Variants in COL6A3 observed in about 807,000 individuals in gnomAD.
COL6A3 encodes collagen type VI alpha 3 chain.
Under a neutral mutation model 274.1 loss-of-function variants are expected in COL6A3, and 137 were observed. The ratio of observed to expected loss-of-function variants is 0.50; its 90% CI spans 0.44 to 0.58. The LOEUF is 0.58. Ranked by LOEUF, COL6A3 falls within the 20% of genes least tolerant of loss-of-function variation. The pLI, the probability that COL6A3 is intolerant of heterozygous loss-of-function variation, is 0.00. For synonymous variants in COL6A3, 1,650 were observed against 1,650.6 expected, an observed-to-expected ratio of 1.00 and a Z score of 0.01; for missense variants, 3,950 against 4,124.9, an observed-to-expected ratio of 0.96 and a Z score of 1.16.
chr2:237,332,117 A>ATATATTATATATATG lies in COL6A3; in HGVS notation c.9328+1332_9328+1333insCATATATATAATATA, dbSNP rs35490728. On this transcript the variant is annotated intron_variant, in intron 42 of 43. Coordinates refer to ENST00000295550, the MANE Select transcript of COL6A3 (RefSeq NM_004369.4). ...TATATATATATATATATATATATAT[A>ATATATTATATATATG]TGAAAAGAAAAACAAAACAGCCCAG... Among the ~76,000 whole-genome samples the ATATATTATATATATG allele has an allele frequency of 8.9e-3, 572 of 64,156 alleles. 104 individuals carry two copies. The highest frequency in any genetic ancestry group is 0.012 in the Non-Finnish European group (361 of 31,018). The allele number at this position is 64,156 out of a possible 152,430, so 42.1% of individuals were successfully genotyped here. A position where few individuals can be genotyped will look rare whatever the true frequency, so the allele number is the denominator to read the frequency against.
chr2:237,371,055 T>C lies in COL6A3; in HGVS notation c.4285+677A>G, dbSNP rs1334720790. 1.3e-5 allele frequency among the ~76,000 whole-genome samples: 2 copies of C among 152,220 alleles called. No homozygotes were observed. The highest frequency in any genetic ancestry group is 2.9e-5 in the Non-Finnish European group (2 of 68,040). ...AGGCCATCCTGCTTCTAGGTAAGAC[T>C]TAAGATACAGCTACAGAATCACCTC... is the stretch of plus-strand genomic sequence containing the variant. On this transcript the variant is annotated intron_variant, in intron 9 of 43. Coordinates refer to ENST00000295550, the MANE Select transcript of COL6A3 (RefSeq NM_004369.4). The surrounding 1 kb of genome is among the most constrained non-coding windows in gnomAD (Gnocchi z 4.3).
At chr2:237,385,068 C>T (rs944975125) in intron 4 of COL6A3, among the ~76,000 whole-genome samples, 1 of 152,152 alleles carries the variant, frequency 6.6e-6, no homozygotes, top group African/African-American at 2.4e-5. Flanking sequence ...CTTCTCAGGG[C>T]CTTCCATCCA....
intron 11 of COL6A3, among the ~76,000 whole-genome samples, 170 bp downstream of exon 11, chr2:237,366,517 C>A (rs1339779393): frequency 6.6e-6 from 1 of 152,088 alleles, no homozygotes; most frequent in East Asian, 1.9e-4. Context: ...TGGAAGAACG[C>A]CCTAGGTAGT....
chr2:237,387,561 T>A lies in COL6A3; in HGVS notation c.1312+21A>T, dbSNP rs764408155. The stretch of plus-strand genomic sequence containing the variant: ...ACACAACACCCCACTCCCACACAGA[T>A]GGTGAGAAGAGGATACATACCTTGT... On this transcript the variant is annotated intron_variant, in intron 4 of 43. Coordinates refer to ENST00000295550, the MANE Select transcript of COL6A3 (RefSeq NM_004369.4). 4 of 1,613,674 alleles carry A rather than the reference T, an allele frequency of 2.5e-6. No individual in the cohort carries two copies. In the African/African-American group the frequency reaches 5.3e-5, roughly 22 times the overall value.
intron 24 of COL6A3, 71 bp from the exon 25 acceptor site, chr2:237,353,474 T>C (rs2077250934): frequency 7.3e-7 from 1 of 1,376,974 alleles, no homozygotes; most frequent in African/African-American, 1.4e-5. Context: ...TGCTCTACAG[T>C]CATTTCTGGG....
At position 237,368,566 on chromosome 2, in the gene COL6A3, G is replaced by A. The variant is rs1049588884; in HGVS notation, c.4897C>T (p.Pro1633Ser). Residue 1633 changes from proline to serine, a missense_variant, in exon 10 of 44, where the codon CCA becomes TCA. Around this residue, in one of 5 missense-constraint regions of COL6A3, gnomAD observed 632 missense variants for 623.4 expected, o/e 1.01. Coordinates refer to ENST00000295550, the MANE Select transcript of COL6A3 (RefSeq NM_004369.4). This position sits in a 1 kb window ranked among gnomAD's most constrained non-coding sequence, Gnocchi z 4.4. ...PGVDTPPPSR[P>S]EKKKADIVFL... Reference sequence around the variant, plus strand: ...TCATGGGTCACACGGTGCATACCTGGCCGTGAAGGAGGAGGGGTGTCCACC... The same window carrying A: ...TCATGGGTCACACGGTGCATACCTGACCGTGAAGGAGGAGGGGTGTCCACC... 6.2e-7 allele frequency: 1 copy of A among 1,614,144 alleles called. No individual in the cohort carries two copies. The highest frequency in any genetic ancestry group is 8.5e-7 in the Non-Finnish European group (1 of 1,179,998).
intron 33 of COL6A3, 27 bp downstream of exon 33, chr2:237,345,154 G>C: frequency 6.2e-7 from 1 of 1,614,186 alleles, no homozygotes; most frequent in Non-Finnish European, 8.5e-7. Flanking sequence ...TGAGGTTAAT[G>C]AGTCATTCTG....
chr2:237,375,186 G>A (rs187833277), intron 7 of COL6A3, among the ~76,000 whole-genome samples, 166 bp from the exon 8 acceptor site: 7 of 152,316 alleles, frequency 4.6e-5, no homozygotes, highest in Admixed American at 1.3e-4. Flanking sequence ...GGGATGGGGG[G>A]ATTACCCTGG....
chr2:237,374,937 G>A lies in COL6A3; in HGVS notation c.3154C>T (p.Gln1052Ter), dbSNP rs2077795972. ...ACATCCAGGCTTTCCACCACTCTCTGGACAAACTCTTTCAACAGAGGGAAG... is the reference window on the plus strand; with the variant it reads ...ACATCCAGGCTTTCCACCACTCTCTAGACAAACTCTTTCAACAGAGGGAAG... ...SGFPLLKEFV[Q>*]RVVESLDVGQ... Residue 1052 changes from glutamine to a stop codon, truncating the protein, a stop_gained, in exon 8 of 44, where the codon CAG becomes TAG. Transcript: ENST00000295550. LOFTEE classifies it high-confidence loss of function. The surrounding 1 kb of genome is among the most constrained non-coding windows in gnomAD (Gnocchi z 4.8). The A allele has an allele frequency of 6.2e-7, 1 of 1,613,900 alleles. No homozygotes were observed. Among genetic ancestry groups the A allele is most frequent in the Non-Finnish European group, 8.5e-7 (1 of 1,180,012 alleles).
At position 237,361,915 on chromosome 2, in the gene COL6A3, C is replaced by T. The variant is rs1202203059; in HGVS notation, c.6064-84G>A. 1.7e-6 allele frequency: 2 copies of T among 1,210,234 alleles called. No individual in the cohort carries two copies. Among genetic ancestry groups the T allele is most frequent in the Non-Finnish European group, 2.5e-6 (2 of 815,096 alleles). The allele number at this position is 1,210,234 out of a possible 1,614,324, so 75.0% of individuals were successfully genotyped here. Reference sequence around the variant, plus strand: ...ATAAATGCGCTTTAAGGGTCAAAATCGGATGTGTGGGGGTTTCACGGTGTG... The same window carrying T: ...ATAAATGCGCTTTAAGGGTCAAAATTGGATGTGTGGGGGTTTCACGGTGTG... On this transcript the variant is annotated intron_variant, in intron 14 of 43. Coordinates refer to ENST00000295550, the MANE Select transcript of COL6A3 (RefSeq NM_004369.4). The surrounding 1 kb of genome is among the most constrained non-coding windows in gnomAD (Gnocchi z 5.1).
In COL6A3 at chr2:237,363,393, G is replaced by A. The variant is rs369839261; in HGVS notation, c.5923C>T (p.Arg1975Cys). The part of the protein sequence containing the change: ...ASENLRQEGV[R>C]ALILVGLERV... ...TCAAGGCCCACCAGGATCAAGGCAC[G>A]GACTCCTGCAAAGAAAGACACATTT... The change falls in exon 14 of 44, where the codon CGT becomes TGT. Residue 1975 changes from arginine (R) to cysteine (C), a missense_variant. This residue lies in a region of COL6A3 where 632 missense variants were observed against 623.4 expected (regional missense o/e 1.01). Coordinates refer to ENST00000295550, the MANE Select transcript of COL6A3 (RefSeq NM_004369.4). The A allele has an allele frequency of 1.2e-5, 20 of 1,614,000 alleles. No individual in the cohort carries two copies. Among genetic ancestry groups the A allele is most frequent in the South Asian group, 4.4e-5 (4 of 91,082 alleles).
At chr2:237,373,889 C>T (rs1042809147) in intron 8 of COL6A3, among the ~76,000 whole-genome samples, 1 of 152,138 alleles carries the variant, frequency 6.6e-6, no homozygotes, top group Non-Finnish European at 1.5e-5. Context: ...AGCCAGGTGG[C>T]CTTCCTGCCA....
chr2:237,351,939 T>G (rs2077215288), intron 26 of COL6A3, among the ~76,000 whole-genome samples: 2 of 152,246 alleles, frequency 1.3e-5, no homozygotes, highest in Non-Finnish European at 2.9e-5. Context: ...TAATAAATGA[T>G]AGGATGCCTC....
chr2:237,335,504 A>T (rs1295167638), intron 40 of COL6A3, among the ~76,000 whole-genome samples: 1 of 152,210 alleles, frequency 6.6e-6, no homozygotes, highest in Non-Finnish European at 1.5e-5. Flanking sequence ...ATTGCTTTCA[A>T]TATTTTTCTC....
intron 3 of COL6A3, among the ~76,000 whole-genome samples, chr2:237,388,946 C>G (rs900288762): frequency 3.9e-5 from 6 of 152,140 alleles, no homozygotes; most frequent in Non-Finnish European, 8.8e-5. Context: ...GTCATTGCCT[C>G]TATATTCAGT....
rs751772951 is a variant in COL6A3 at position 237,372,025 on chromosome 2, C to G, written c.3992G>C (p.Arg1331Pro). 1 of 1,614,060 alleles carries G rather than the reference C, an allele frequency of 6.2e-7. No homozygotes were observed. Among genetic ancestry groups the G allele is most frequent in the South Asian group, 1.1e-5 (1 of 91,072 alleles). Residue 1331 changes from arginine (R) to proline (P), a missense_variant, in exon 9 of 44, where the codon CGC becomes CCC. Coordinates refer to ENST00000295550, the MANE Select transcript of COL6A3 (RefSeq NM_004369.4). ...GAACTGCGGGACGCCCTCTTCAATG[C>G]GGCTCCCCAGGGGCCTCTTGAAGAT... is the stretch of plus-strand genomic sequence containing the variant. ...RNIFKRPLGSRIEEGVPQFLV... is the reference protein window; with the variant it reads ...RNIFKRPLGSPIEEGVPQFLV...
At chr2:237,398,605 G>T (rs1157692993) in intron 1 of COL6A3, among the ~76,000 whole-genome samples, 2 of 152,206 alleles carry the variant, frequency 1.3e-5, no homozygotes, top group Middle Eastern at 3.2e-3. Context: ...TTAGACCACA[G>T]ACGGGGCTGC....
chr2:237,342,392 T>A (rs10202434), intron 36 of COL6A3: 12 of 552,394 alleles, frequency 2.2e-5, no homozygotes, highest in African/African-American at 1.9e-4. Flanking sequence ...TTCAAATGGG[T>A]TTCAGTTTTT....
chr2:237,407,113 T>A lies in COL6A3; in HGVS notation c.-31+6840A>T, dbSNP rs188629219. ...TTTTGGTAGAGACAATATCTCACTA[T>A]ATTGCCCAGGCTGGTCTCAAACTCT... On this transcript the variant is annotated intron_variant, in intron 1 of 43. Transcript: ENST00000295550. The surrounding 1 kb of genome is among the most constrained non-coding windows in gnomAD (Gnocchi z 4.3). 2.0e-5 allele frequency among the ~76,000 whole-genome samples: 3 copies of A among 152,200 alleles called. No individual in the cohort carries two copies. The East Asian group carries it at 5.8e-4, about 29-fold the overall frequency.
Sources: allele counts gnomAD v4.1 joint callset (sites outside exome capture counted in the v4.1 genomes callset), GRCh38; gene constraint gnomAD v4.1.1; regional missense constraint gnomAD v4.1.1; non-coding constraint Gnocchi (gnomAD v3.1); transcripts MANE v1.5; gene names NCBI Gene and HGNC (gene_info 2026-07-23, HGNC 2026-07-21).